RERE: variants seen among roughly 807,000 people sequenced by gnomAD.
RERE encodes arginine-glutamic acid dipeptide repeats, also known as arginine-glutamic acid dipeptide repeats protein.
In RERE, 40 loss-of-function variants were observed where a neutral mutation model predicts 146.1. That is an observed-to-expected ratio of 0.27 (90% CI 0.21 to 0.36). The LOEUF is 0.36. RERE is among the 10% of genes least tolerant of loss of function. The pLI, the probability that RERE is intolerant of heterozygous loss-of-function variation, is 1.00. For synonymous variants in RERE, 1,003 were observed against 866.0 expected, an observed-to-expected ratio of 1.16 and a Z score of -2.78; for missense variants, 1,933 against 2,138.7, an observed-to-expected ratio of 0.90 and a Z score of 1.90.
At chr1:8,759,885 T>C (rs1640719740) in intron 1 of RERE, among the ~76,000 whole-genome samples, 1 of 150,514 alleles carries the variant, frequency 6.6e-6, no homozygotes, top group South Asian at 2.1e-4. Context: ...ACAATATGTC[T>C]TGATGATCAG....
chr1:8,706,363 G>A (rs1639562260), intron 1 of RERE, among the ~76,000 whole-genome samples: 1 of 152,102 alleles, frequency 6.6e-6, no homozygotes, highest in South Asian at 2.1e-4. Context: ...AAATAATTGT[G>A]CCTGGGGTTA....
intron 12 of RERE, among the ~76,000 whole-genome samples, chr1:8,407,743 G>A (rs759206915): frequency 2.0e-5 from 3 of 152,146 alleles, no homozygotes; most frequent in African/African-American, 2.4e-5. Context: ...TGGCAAGGGC[G>A]AAAGAGCTAT....
chr1:8,530,675 T>G, intron 7 of RERE, among the ~76,000 whole-genome samples: 1 of 123,824 alleles, frequency 8.1e-6, no homozygotes, highest in South Asian at 2.8e-4. Flanking sequence ...TGAGTTTTCG[T>G]TTTCTTTTTT....
At chr1:8,790,252 GATAGTTA>G (rs1641340280) in intron 1 of RERE, among the ~76,000 whole-genome samples, 1 of 152,080 alleles carries the variant, frequency 6.6e-6, no homozygotes, top group African/African-American at 2.4e-5. Flanking sequence ...TGAAACGCGA[GATAGTTA>G]AAGGACACCC....
At chr1:8,778,042 T>C (rs534539969) in intron 1 of RERE, among the ~76,000 whole-genome samples, 2 of 152,170 alleles carry the variant, frequency 1.3e-5, no homozygotes, top group Admixed American at 6.6e-5. Context: ...AATGGGTTAT[T>C]AGAAGTAATA....
At chr1:8,554,332 C>A (rs989879546) in intron 6 of RERE, among the ~76,000 whole-genome samples, 4 of 152,150 alleles carry the variant, frequency 2.6e-5, no homozygotes, top group African/African-American at 4.8e-5. Flanking sequence ...AATCTTTTCC[C>A]TCAACCCGTG....
At chr1:8,806,652 T>C (rs1641699144) in intron 1 of RERE, 1 of 152,200 alleles carries the variant, frequency 6.6e-6, no homozygotes, top group Admixed American at 6.5e-5. Flanking sequence ...GAATGCCTAC[T>C]GTACTCTTCG....
rs547426046 is a variant in RERE at position 8,360,129 on chromosome 1, G to A, written c.3378C>T (p.His1126=). ...PEPTVVDTPS[H]ASQSARFYKH... is the part of the protein sequence containing the mutation. ...AAGCGTACCTAGCTGACTGGCTGGCGTGACTGGGGGTGTCCACCACAGTGG... is the reference window on the plus strand; with the variant it reads ...AAGCGTACCTAGCTGACTGGCTGGCATGACTGGGGGTGTCCACCACAGTGG... Residue 1126 remains histidine, a synonymous_variant, in exon 18 of 23, where the codon CAC becomes CAT. Coordinates refer to ENST00000400908, the MANE Select transcript of RERE (RefSeq NM_001042681.2). The A allele has an allele frequency of 8.2e-6, 13 of 1,581,706 alleles. No individual in the cohort carries two copies. The highest frequency in any genetic ancestry group is 2.3e-5 in the East Asian group (1 of 44,372).
intron 11 of RERE, among the ~76,000 whole-genome samples, chr1:8,449,741 T>G (rs577841777): frequency 3.3e-5 from 5 of 152,310 alleles, no homozygotes; most frequent in African/African-American, 1.2e-4. Context: ...GTCCTAACAA[T>G]GAGCAGTTTA....
At chr1:8,506,903 A>G (rs1645256692) in intron 8 of RERE, among the ~76,000 whole-genome samples, 1 of 152,214 alleles carries the variant, frequency 6.6e-6, no homozygotes, top group Non-Finnish European at 1.5e-5. Context: ...AAGCCCAACT[A>G]TAGGAGCAAA....
chr1:8,491,336 A>C (rs775695395), intron 10 of RERE, among the ~76,000 whole-genome samples: 1 of 152,232 alleles, frequency 6.6e-6, no homozygotes, highest in Non-Finnish European at 1.5e-5. Flanking sequence ...GCTACTCGGA[A>C]GGCTGAGGCA....
chr1:8,669,052 G>GTGTA (rs1176441754), intron 1 of RERE, among the ~76,000 whole-genome samples: 3 of 142,266 alleles, frequency 2.1e-5, no homozygotes, highest in Non-Finnish European at 4.6e-5. Flanking sequence ...GTGTGTGTGT[G>GTGTA]TGTGTGTGTG....
chr1:8,766,543 T>C (rs1277415085), intron 1 of RERE, among the ~76,000 whole-genome samples: 1 of 132,478 alleles, frequency 7.5e-6, no homozygotes, highest in Non-Finnish European at 1.6e-5. Context: ...CAAGACTCCA[T>C]TGCAAAAAAA....
intron 1 of RERE, among the ~76,000 whole-genome samples, chr1:8,809,710 T>C (rs889276589): frequency 3.9e-5 from 6 of 152,344 alleles, no homozygotes; most frequent in East Asian, 3.9e-4. Context: ...GTCAATAAAA[T>C]GTTTTTCAGA....
chr1:8,435,964 A>G (rs1644164953), intron 11 of RERE, among the ~76,000 whole-genome samples: 1 of 152,252 alleles, frequency 6.6e-6, no homozygotes, highest in African/African-American at 2.4e-5. Flanking sequence ...TAACAGATGT[A>G]GAGATTGTGC....
At chr1:8,808,162 A>AG (rs1641726034) in intron 1 of RERE, among the ~76,000 whole-genome samples, 2 of 151,210 alleles carry the variant, frequency 1.3e-5, no homozygotes, top group Non-Finnish European at 2.9e-5. Context: ...AAAAAAAAAA[A>AG]AAAAAAAACC....
At chr1:8,645,240 C>G (rs1185468512) in intron 2 of RERE, among the ~76,000 whole-genome samples, 1 of 152,180 alleles carries the variant, frequency 6.6e-6, no homozygotes, top group Non-Finnish European at 1.5e-5. Context: ...CAATCAGGCA[C>G]TTTAGAAGAT....
Position 8,360,870 on chromosome 1 carries a change from G to A in RERE, c.2637C>T (p.Ser879=), listed in dbSNP as rs1305956256. ...AGGTCCCCAGAGGGGCCTGGCCTTGGGAGGCCTGGGGAGGGAGGCCAAAGG... is the reference window on the plus strand; with the variant it reads ...AGGTCCCCAGAGGGGCCTGGCCTTGAGAGGCCTGGGGAGGGAGGCCAAAGG... ...PQPFGLPPQA[S]QGQAPLGTSP... is the part of the protein sequence containing the mutation. The change falls in exon 18 of 23, where the codon TCC becomes TCT. Residue 879 remains serine (S), a synonymous_variant. Coordinates refer to ENST00000400908, the MANE Select transcript of RERE (RefSeq NM_001042681.2). 3.3e-6 allele frequency: 5 copies of A among 1,523,608 alleles called. No homozygotes were observed. Among genetic ancestry groups the A allele is most frequent in the Non-Finnish European group, 4.4e-6 (5 of 1,141,550 alleles). 94.4% of individuals were successfully genotyped at this position (1,523,608 alleles called of 1,614,324 possible). A position where few individuals can be genotyped will look rare whatever the true frequency, so the allele number is the denominator to read the frequency against.
intron 7 of RERE, among the ~76,000 whole-genome samples, chr1:8,512,135 G>A (rs1372620457): frequency 9.9e-5 from 14 of 140,720 alleles, no homozygotes; most frequent in Non-Finnish European, 1.8e-4. Flanking sequence ...CCGGGTTCAC[G>A]CCATTCTCCT....
Sources: gnomAD v4.1 joint callset for allele counts (sites outside exome capture counted in the v4.1 genomes callset) on GRCh38, gnomAD v4.1.1 for gene constraint, MANE v1.5 for transcripts, NCBI Gene and HGNC (gene_info 2026-07-23, HGNC 2026-07-21) for gene names.